The following FSTL5 variants were observed in gnomAD, a reference collection of about 807,000 sequenced individuals.
FSTL5 encodes the protein follistatin-related protein 5.
FSTL5 carries 62 observed loss-of-function variants against 89.1 expected under a neutral mutation model. The observed-to-expected ratio is 0.70, with a 90% CI of 0.57 to 0.86. FSTL5 has a LOEUF of 0.86. Ranked by LOEUF, FSTL5 falls within the 40% of genes least tolerant of loss-of-function variation. FSTL5 has a pLI of 0.00. For missense variants in FSTL5, 1,057 were observed against 1,001.6 expected, an observed-to-expected ratio of 1.06 and a Z score of -0.75; for synonymous variants, 383 against 346.2, an observed-to-expected ratio of 1.11 and a Z score of -1.18.
chr4:161,747,669 A>G (rs1051885871), intron 6 of FSTL5, among the ~76,000 whole-genome samples: 6 of 152,200 alleles, frequency 3.9e-5, no homozygotes, highest in Admixed American at 2.0e-4. Flanking sequence ...ATTAGTAACA[A>G]GTTTACTGTA....
At chr4:161,964,805 A>C (rs964091133) in intron 3 of FSTL5, among the ~76,000 whole-genome samples, 7 of 152,042 alleles carry the variant, frequency 4.6e-5, no homozygotes, top group Non-Finnish European at 1.0e-4. Flanking sequence ...ATATGTAACC[A>C]TTACATTTTG....
At chr4:161,878,118 A>G (rs1383456672) in intron 4 of FSTL5, among the ~76,000 whole-genome samples, 2 of 152,168 alleles carry the variant, frequency 1.3e-5, no homozygotes, top group African/African-American at 4.8e-5. Context: ...AAATAAACAG[A>G]TATATTCAAC....
At chr4:161,419,275 C>G (rs1731899239) in intron 15 of FSTL5, among the ~76,000 whole-genome samples, 1 of 152,076 alleles carries the variant, frequency 6.6e-6, no homozygotes, top group Non-Finnish European at 1.5e-5. Flanking sequence ...TCATTTAAGT[C>G]ATTTTTCTTC....
chr4:161,531,703 A>G (rs1273500072), intron 10 of FSTL5, among the ~76,000 whole-genome samples: 3 of 152,172 alleles, frequency 2.0e-5, no homozygotes, highest in Admixed American at 1.3e-4. Flanking sequence ...GGTATACTCA[A>G]TCAGTGGAGT....
intron 3 of FSTL5, among the ~76,000 whole-genome samples, chr4:161,942,509 TAATC>T (rs780692369): frequency 3.4e-4 from 52 of 152,072 alleles, no homozygotes; most frequent in Non-Finnish European, 7.1e-4. Context: ...ACTAAATCAG[TAATC>T]AAAGACCTCC....
At chr4:162,160,320 T>C (rs1201167628) in intron 1 of FSTL5, among the ~76,000 whole-genome samples, 5 of 151,854 alleles carry the variant, frequency 3.3e-5, no homozygotes, top group Admixed American at 3.3e-4. Flanking sequence ...CTTTACTGTA[T>C]GGTTACCAAT....
intron 4 of FSTL5, among the ~76,000 whole-genome samples, chr4:161,912,356 C>A (rs1733717474): frequency 2.6e-5 from 4 of 152,166 alleles, no homozygotes; most frequent in South Asian, 4.2e-4. Context: ...ATTGCATCTC[C>A]CAGAATTCCC....
intron 4 of FSTL5, among the ~76,000 whole-genome samples, chr4:161,920,146 G>A (rs1004296374): frequency 1.3e-5 from 2 of 152,144 alleles, no homozygotes; most frequent in African/African-American, 4.8e-5. Flanking sequence ...TCCATGATTG[G>A]GAAGCCATAT....
At chr4:161,658,008 C>T (rs1223629829) in intron 6 of FSTL5, among the ~76,000 whole-genome samples, 1 of 152,174 alleles carries the variant, frequency 6.6e-6, no homozygotes, top group African/African-American at 2.4e-5. Context: ...TAGAGAAAGG[C>T]TCAGCCCAAA....
At chr4:161,737,099 G>A (rs1474342421) in intron 6 of FSTL5, among the ~76,000 whole-genome samples, 1 of 152,060 alleles carries the variant, frequency 6.6e-6, no homozygotes, top group East Asian at 1.9e-4. Context: ...GGGAAGCCAC[G>A]AAAGAATCTA....
At chr4:161,552,393 T>G (rs1352747100) in intron 8 of FSTL5, 1 of 151,790 alleles carries the variant, frequency 6.6e-6, no homozygotes, top group Non-Finnish European at 1.5e-5. Flanking sequence ...AATCTGAGAA[T>G]TAGTTTGGAA....
At chr4:162,107,670 G>A (rs1390312210) in intron 2 of FSTL5, among the ~76,000 whole-genome samples, 1 of 152,130 alleles carries the variant, frequency 6.6e-6, no homozygotes, top group African/African-American at 2.4e-5. Context: ...GGATTCTATG[G>A]TTGTGCTTAT....
At chr4:162,079,089 TTTCTC>T (rs1338544500) in intron 2 of FSTL5, among the ~76,000 whole-genome samples, 1 of 151,788 alleles carries the variant, frequency 6.6e-6, no homozygotes, top group Non-Finnish European at 1.5e-5. Context: ...GATTTCCACT[TTTCTC>T]TACTCTATAC....
At chr4:161,541,910 A>G (rs1163252649) in intron 9 of FSTL5, among the ~76,000 whole-genome samples, 2 of 151,898 alleles carry the variant, frequency 1.3e-5, no homozygotes, top group Non-Finnish European at 2.9e-5. Context: ...TTGACCTTAC[A>G]AATCTTGCCT....
intron 4 of FSTL5, among the ~76,000 whole-genome samples, chr4:161,835,469 A>C (rs369316080): frequency 2.0e-5 from 3 of 152,092 alleles, no homozygotes; most frequent in African/African-American, 4.8e-5. Context: ...TAATTAAACT[A>C]AAGAGCTTCT....
intron 4 of FSTL5, among the ~76,000 whole-genome samples, chr4:161,778,110 AC>A (rs1428367107): frequency 6.6e-6 from 1 of 151,822 alleles, no homozygotes; most frequent in African/African-American, 2.4e-5. Context: ...ACACACACAC[AC>A]ACACACACAC....
intron 10 of FSTL5, among the ~76,000 whole-genome samples, chr4:161,519,520 T>C (rs749298408): frequency 1.3e-5 from 2 of 149,144 alleles, no homozygotes; most frequent in Non-Finnish European, 3.0e-5. Context: ...AGCAAGACTC[T>C]ATCTCAAAAC....
intron 15 of FSTL5, among the ~76,000 whole-genome samples, chr4:161,392,775 C>T (rs1255197850): frequency 6.6e-6 from 1 of 151,996 alleles, no homozygotes; most frequent in East Asian, 1.9e-4. Context: ...ATAAATGGGT[C>T]AGAGGTGGCA....
chr4:161,686,346 A>ATT (rs1198667810), intron 6 of FSTL5, among the ~76,000 whole-genome samples: 7 of 12,300 alleles, frequency 5.7e-4, no homozygotes, highest in African/African-American at 1.2e-3. Flanking sequence ...ATATATATAT[A>ATT]TTTTTTTTTT....
Sources: gnomAD v4.1 joint callset for allele counts (sites outside exome capture counted in the v4.1 genomes callset) on GRCh38, gnomAD v4.1.1 for gene constraint, MANE v1.5 for transcripts, NCBI Gene and HGNC (gene_info 2026-07-23, HGNC 2026-07-21) for gene names.